VAC14: variants seen among roughly 807,000 people sequenced by gnomAD.
The protein encoded by VAC14 is protein VAC14 homolog.
VAC14 carries 47 observed loss-of-function variants against 85.3 expected under a neutral mutation model. The ratio of observed to expected loss-of-function variants is 0.55; its 90% CI spans 0.44 to 0.70. The LOEUF (loss-of-function observed/expected upper bound fraction) is 0.70, where lower values mean the gene tolerates loss of function less well. Ranked by LOEUF, VAC14 falls within the 30% of genes least tolerant of loss-of-function variation. The probability of loss-of-function intolerance (pLI) is 0.00; values close to 1 mark genes in which losing one functional copy is unlikely to be tolerated. For missense variants in VAC14, 861 were observed against 1,004.3 expected (o/e 0.86, Z 1.93); for synonymous variants, 447 against 430.5 (o/e 1.04, Z -0.47).
At chr16:70,786,096 G>A in intron 2 of VAC14, 119 bp downstream of exon 2, 28 of 1,486,728 alleles carry the variant, frequency 1.9e-5, no homozygotes, top group Non-Finnish European at 2.5e-5. Context: ...TGCGGACAGA[G>A]TGGTAATAAA....
At chr16:70,781,307 G>C (rs933463723) in intron 8 of VAC14, among the ~76,000 whole-genome samples, 1 of 152,168 alleles carries the variant, frequency 6.6e-6, no homozygotes, top group African/African-American at 2.4e-5. Context: ...TGCAGAACCG[G>C]GAGCTGAAGC....
At chr16:70,717,888 A>T (rs184871622) in intron 14 of VAC14, among the ~76,000 whole-genome samples, 2 of 152,352 alleles carry the variant, frequency 1.3e-5, no homozygotes, top group Non-Finnish European at 2.9e-5. Context: ...TCCTGGGCTC[A>T]AGTGATCTGC....
rs1180704597 is a variant in VAC14 at position 70,745,328 on chromosome 16, C to T, written c.1372-749G>A. On this transcript the variant is annotated intron_variant, in intron 12 of 18. Transcript: ENST00000261776. ...TCACAATGTCCCCAGGGCTGCTCTACAGCCCCCGTATCCTTAGAAGCTGCC... is the reference window on the plus strand; with the variant it reads ...TCACAATGTCCCCAGGGCTGCTCTATAGCCCCCGTATCCTTAGAAGCTGCC... 7.2e-5 allele frequency among the ~76,000 whole-genome samples: 11 copies of T among 152,188 alleles called. No individual in the cohort carries two copies. In the East Asian group the frequency reaches 1.7e-3, roughly 24 times the overall value.
At chr16:70,759,239 G>A (rs917891477) in intron 12 of VAC14, among the ~76,000 whole-genome samples, 3 of 152,212 alleles carry the variant, frequency 2.0e-5, no homozygotes, top group African/African-American at 7.2e-5. Context: ...CAACACAGAT[G>A]ACAAAGTGAA....
At chr16:70,694,475 T>TG (rs111765390) in intron 17 of VAC14, among the ~76,000 whole-genome samples, 2 of 152,204 alleles carry the variant, frequency 1.3e-5, no homozygotes, top group African/African-American at 4.8e-5. Context: ...GGCACCCTGC[T>TG]GCTTGATGAG....
chr16:70,772,286 G>C, intron 9 of VAC14, 114 bp from the exon 10 acceptor site: 1 of 891,184 alleles, frequency 1.1e-6, no homozygotes, highest in Non-Finnish European at 1.8e-6. Flanking sequence ...CTTGATTCAG[G>C]CTCTTCAAAA....
chr16:70,770,994 C>T (rs2033179014), intron 10 of VAC14: 1 of 152,170 alleles, frequency 6.6e-6, no homozygotes, highest in South Asian at 2.1e-4. Context: ...GTAGAGTGCA[C>T]ACTTTCTCTT....
chr16:70,698,724 C>G lies in VAC14; in HGVS notation c.1749G>C (p.Ser583=), dbSNP rs775069723. 1 of 1,614,166 alleles carries G rather than the reference C, an allele frequency of 6.2e-7. No homozygotes were observed. The highest frequency in any genetic ancestry group is 1.7e-5 in the Admixed American group (1 of 60,034). The change falls in exon 15 of 19, where the codon TCG becomes TCC. Residue 583 remains serine (S), a synonymous_variant. Transcript: ENST00000261776. ...LLREEDLKFA[S]TMVHALNTIL... ...TGGTGTTGAGGGCGTGGACCATGGT[C>G]GAGGCGAACTTGAGGTCCTCCTCCC...
chr16:70,760,991 G>GCGCGCA, intron 12 of VAC14, among the ~76,000 whole-genome samples: 1 of 120,114 alleles, frequency 8.3e-6, no homozygotes, highest in Admixed American at 7.9e-5. Flanking sequence ...GTGTGTGTGT[G>GCGCGCA]TGTGTGTGTG....
intron 14 of VAC14, chr16:70,731,288 C>T (rs2054582066): frequency 7.4e-7 from 1 of 1,357,308 alleles, no homozygotes; most frequent in Non-Finnish European, 9.5e-7. Context: ...TGCGGAAAAA[C>T]ATCAACACTG....
At chr16:70,734,272 A>G (rs1597904422) in intron 13 of VAC14, among the ~76,000 whole-genome samples, 2 of 151,946 alleles carry the variant, frequency 1.3e-5, no homozygotes, top group African/African-American at 4.8e-5. Context: ...TCAAGTAGCT[A>G]GGACTACAGG....
chr16:70,751,640 G>A (rs1031289401), intron 12 of VAC14, among the ~76,000 whole-genome samples: 2 of 152,228 alleles, frequency 1.3e-5, no homozygotes, highest in African/African-American at 4.8e-5. Flanking sequence ...AATGGCTCTT[G>A]TTGCCCTGGT....
chr16:70,705,668 C>T (rs138355565), intron 14 of VAC14, among the ~76,000 whole-genome samples: 52 of 152,278 alleles, frequency 3.4e-4, no homozygotes, highest in African/African-American at 6.3e-4. Flanking sequence ...TGCTCCCGCC[C>T]GGCATGCCCT....
intron 12 of VAC14, among the ~76,000 whole-genome samples, chr16:70,760,788 A>T (rs548932305): frequency 2.0e-5 from 3 of 152,054 alleles, no homozygotes; most frequent in Non-Finnish European, 4.4e-5. Flanking sequence ...AGGACTGAAA[A>T]CTCAGCTGCT....
intron 14 of VAC14, chr16:70,700,318 G>C (rs183783691): frequency 2.0e-5 from 3 of 152,270 alleles, no homozygotes; most frequent in Non-Finnish European, 4.4e-5. Flanking sequence ...GCACAGGGAG[G>C]GGGTGGCGGC....
chr16:70,769,155 C>T (rs970116004), intron 10 of VAC14: 7 of 193,776 alleles, frequency 3.6e-5, no homozygotes, highest in African/African-American at 7.2e-5. Flanking sequence ...CCATAGCTTT[C>T]ATCAGGCTCT....
In VAC14 at chr16:70,762,170, C is replaced by T. The variant is rs538477702; in HGVS notation, c.1371+370G>A. 7.2e-5 allele frequency among the ~76,000 whole-genome samples: 11 copies of T among 152,128 alleles called. No homozygotes were observed. Among genetic ancestry groups the T allele is most frequent in the East Asian group, 1.9e-4 (1 of 5,168 alleles). ...TCGCCCAAGCTGGAGTGCAGTGGCA[C>T]GATCTCTGCTCACTGCAACCTCTGC... On this transcript the variant is annotated intron_variant, in intron 12 of 18. Coordinates refer to ENST00000261776, the MANE Select transcript of VAC14 (RefSeq NM_018052.5). The surrounding 1 kb of genome is among the most constrained non-coding windows in gnomAD (Gnocchi z 4.1).
At chr16:70,732,696 G>A (rs560153225) in intron 13 of VAC14, among the ~76,000 whole-genome samples, 38 of 151,766 alleles carry the variant, frequency 2.5e-4, no homozygotes, top group Admixed American at 1.6e-3. Context: ...AGGCTGGAGT[G>A]CAGTGGTGTG....
At position 70,733,030 on chromosome 16, in the gene VAC14, C is replaced by T. The variant is rs1204391825; in HGVS notation, c.1529-1403G>A. Among the ~76,000 whole-genome samples, 6 of 152,294 alleles carry T rather than the reference C, an allele frequency of 3.9e-5. No homozygotes were observed. In the East Asian group the frequency reaches 1.2e-3, roughly 29 times the overall value. ...ATAAGGTTAATCCTTTTAAAGTGTG[C>T]AATTCAGTAGTTTTCAGGACATTCA... On this transcript the variant is annotated intron_variant, in intron 13 of 18. Coordinates refer to ENST00000261776, the MANE Select transcript of VAC14 (RefSeq NM_018052.5).
Sources: allele counts gnomAD v4.1 joint callset (sites outside exome capture counted in the v4.1 genomes callset), GRCh38; gene constraint gnomAD v4.1.1; non-coding constraint Gnocchi (gnomAD v3.1); transcripts MANE v1.5; gene names NCBI Gene and HGNC (gene_info 2026-07-23, HGNC 2026-07-21).